Variants in ATRNL1 observed in about 807,000 individuals in gnomAD.
The protein encoded by ATRNL1 is attractin like 1.
A neutral mutation model predicts 182.7 loss-of-function variants in ATRNL1; 95 were observed. That is an observed-to-expected ratio of 0.52 (90% CI 0.44 to 0.62). The LOEUF is 0.62. Among genes scored for constraint, ATRNL1 ranks in the 20% least tolerant of loss-of-function variants. ATRNL1 has a pLI of 0.00. For synonymous variants in ATRNL1, 576 were observed against 568.3 expected, an observed-to-expected ratio of 1.01 and a Z score of -0.19; for missense variants, 1,471 against 1,679.5, an observed-to-expected ratio of 0.88 and a Z score of 2.17.
chr10:115,845,230 A>G (rs1196833134), intron 27 of ATRNL1, among the ~76,000 whole-genome samples: 3 of 152,084 alleles, frequency 2.0e-5, no homozygotes, highest in Non-Finnish European at 4.4e-5. Context: ...TGATTTTTTA[A>G]AATAGAAGTA....
At chr10:115,921,935 A>G (rs1292427067) in intron 28 of ATRNL1, among the ~76,000 whole-genome samples, 2 of 152,334 alleles carry the variant, frequency 1.3e-5, no homozygotes, top group East Asian at 1.9e-4. Flanking sequence ...TTTCAAACCT[A>G]TGACTGAAAA....
rs182995358 is a variant in ATRNL1 at position 115,702,338 on chromosome 10, T to G, written c.3796-24910T>G. 2.0e-4 allele frequency among the ~76,000 whole-genome samples: 31 copies of G among 152,024 alleles called. No individual in the cohort carries two copies. The East Asian group carries it at 5.6e-3, about 28-fold the overall frequency. ...TACTGAATGGGCAAAAGCTGGAAGCTTTTCCCTTGATAATTGGAATAAGAC... is the reference window on the plus strand; with the variant it reads ...TACTGAATGGGCAAAAGCTGGAAGCGTTTCCCTTGATAATTGGAATAAGAC... On this transcript the variant is annotated intron_variant, in intron 26 of 28. Coordinates refer to ENST00000355044, the MANE Select transcript of ATRNL1 (RefSeq NM_207303.4).
At chr10:115,297,238 G>A (rs1414909981) in intron 15 of ATRNL1, among the ~76,000 whole-genome samples, 1 of 152,118 alleles carries the variant, frequency 6.6e-6, no homozygotes, top group African/African-American at 2.4e-5. Flanking sequence ...AATGTGACAA[G>A]GTGTATTTGT....
intron 27 of ATRNL1, among the ~76,000 whole-genome samples, chr10:115,761,212 G>A (rs1461806608): frequency 7.2e-5 from 11 of 152,186 alleles, no homozygotes; most frequent in Admixed American, 2.6e-4. Context: ...TGCATTATGT[G>A]AAGTGCTTGG....
intron 1 of ATRNL1, among the ~76,000 whole-genome samples, chr10:115,117,238 A>T (rs1554870252): frequency 6.6e-6 from 1 of 152,014 alleles, no homozygotes; most frequent in Non-Finnish European, 1.5e-5. Context: ...TAAAATGGAC[A>T]ATTAAATTAT....
chr10:115,571,778 T>C (rs1360124512), intron 26 of ATRNL1, among the ~76,000 whole-genome samples: 1 of 152,052 alleles, frequency 6.6e-6, no homozygotes, highest in East Asian at 1.9e-4. Flanking sequence ...CATATATTCC[T>C]ATTACTATTC....
chr10:115,836,854 A>T (rs1476334388), intron 27 of ATRNL1, among the ~76,000 whole-genome samples: 3 of 152,206 alleles, frequency 2.0e-5, no homozygotes, highest in African/African-American at 7.2e-5. Context: ...TGATACCTGT[A>T]TTTGTGCTGT....
intron 10 of ATRNL1, among the ~76,000 whole-genome samples, chr10:115,247,029 C>T (rs1339239073): frequency 7.2e-5 from 11 of 152,104 alleles, no homozygotes; most frequent in Admixed American, 7.2e-4. Flanking sequence ...AGACCCTCCC[C>T]TCTAAACTAA....
At chr10:115,105,091 T>C (rs1250111277) in intron 1 of ATRNL1, among the ~76,000 whole-genome samples, 1 of 152,196 alleles carries the variant, frequency 6.6e-6, no homozygotes, top group Non-Finnish European at 1.5e-5. Context: ...TTGTGAAAAA[T>C]GTCATTGGCA....
chr10:115,454,469 A>G (rs181693347), intron 21 of ATRNL1, among the ~76,000 whole-genome samples: 113 of 152,212 alleles, frequency 7.4e-4, no homozygotes, highest in Middle Eastern at 3.4e-3. Flanking sequence ...AGGATTTGCA[A>G]TGAATCTGTA....
intron 27 of ATRNL1, among the ~76,000 whole-genome samples, chr10:115,790,103 G>A (rs539674613): frequency 6.6e-6 from 1 of 151,506 alleles, no homozygotes; most frequent in Non-Finnish European, 1.5e-5. Flanking sequence ...ACATTTTCTT[G>A]TACATTTGTG....
intron 19 of ATRNL1, among the ~76,000 whole-genome samples, chr10:115,355,013 T>G (rs1475231684): frequency 1.3e-5 from 2 of 152,152 alleles, no homozygotes; most frequent in East Asian, 1.9e-4. Context: ...GATTTTTTAT[T>G]GTTTATTTCA....
chr10:115,752,563 C>T (rs1555070880), intron 27 of ATRNL1, among the ~76,000 whole-genome samples: 1 of 151,962 alleles, frequency 6.6e-6, no homozygotes, highest in Non-Finnish European at 1.5e-5. Flanking sequence ...TCAGTGTTGA[C>T]CATGGCAAGA....
intron 5 of ATRNL1, among the ~76,000 whole-genome samples, chr10:115,142,448 A>C (rs1174210143): frequency 1.3e-5 from 2 of 151,928 alleles, no homozygotes; most frequent in African/African-American, 4.8e-5. Flanking sequence ...GTTACACAAC[A>C]AGGGAGATGG....
chr10:115,386,485 G>A (rs74933954), intron 19 of ATRNL1, among the ~76,000 whole-genome samples: 2,079 of 152,108 alleles, frequency 0.014, 51 homozygotes, highest in African/African-American at 0.046. Flanking sequence ...CCCACTGAGT[G>A]CTGTAAACAG....
intron 21 of ATRNL1, among the ~76,000 whole-genome samples, chr10:115,440,812 C>T (rs1328630490): frequency 6.6e-6 from 1 of 151,872 alleles, no homozygotes; most frequent in African/African-American, 2.4e-5. Flanking sequence ...ACTGTTTGGT[C>T]TTGAGCTTTA....
At chr10:115,832,281 C>T (rs1489201685) in intron 27 of ATRNL1, among the ~76,000 whole-genome samples, 1 of 152,202 alleles carries the variant, frequency 6.6e-6, no homozygotes, top group African/African-American at 2.4e-5. Context: ...CTGTTGACTC[C>T]TGCCTTGTGG....
At chr10:115,141,667 T>A (rs78693838) in intron 5 of ATRNL1, among the ~76,000 whole-genome samples, 1,789 of 152,280 alleles carry the variant, frequency 0.012, 35 homozygotes, top group African/African-American at 0.04. Flanking sequence ...GGTTGCCTTG[T>A]AGAAATTCAT....
At chr10:115,513,089 C>T (rs966496962) in intron 24 of ATRNL1, among the ~76,000 whole-genome samples, 11 of 151,936 alleles carry the variant, frequency 7.2e-5, no homozygotes, top group Non-Finnish European at 1.3e-4. Flanking sequence ...GTGTGTTTTA[C>T]GTATGGCCTA....
Sources: gnomAD v4.1 joint callset for allele counts (sites outside exome capture counted in the v4.1 genomes callset) on GRCh38, gnomAD v4.1.1 for gene constraint, MANE v1.5 for transcripts, NCBI Gene and HGNC (gene_info 2026-07-23, HGNC 2026-07-21) for gene names.